CLN3: variants seen among roughly 807,000 people sequenced by gnomAD.
The protein encoded by CLN3 is CLN3 lysosomal/endosomal transmembrane protein, battenin.
CLN3 carries 49 observed loss-of-function variants against 60.7 expected under a neutral mutation model. The ratio of observed to expected loss-of-function variants is 0.81; its 90% CI spans 0.64 to 1.02. The LOEUF is 1.02. Ranked by LOEUF, CLN3 falls within the 50% of genes least tolerant of loss-of-function variation. The pLI, the probability that CLN3 is intolerant of heterozygous loss-of-function variation, is 0.00. For missense variants in CLN3, 516 were observed against 557.4 expected (o/e 0.93, Z 0.75); for synonymous variants, 256 against 245.8 (o/e 1.04, Z -0.39).
chr16:28,487,499 G>T lies in CLN3; in HGVS notation c.417C>A (p.Phe139Leu). ...CAGAATGAGAAAAGGCAACCAGGAC[G>T]AAGCTTCCAGCAGCACAAATCCCAC... ...LVSGICAAGS[F>L]VLVAFSHSVG... The change falls in exon 7 of 16, where the codon TTC (phenylalanine) becomes TTA (leucine). Residue 139 changes from phenylalanine to leucine, a missense_variant. By Grantham distance (22) the Phe-to-Leu change is conservative. Coordinates refer to ENST00000636147, the MANE Select transcript of CLN3 (RefSeq NM_001042432.2). The T allele has an allele frequency of 6.2e-7, 1 of 1,614,012 alleles. No individual in the cohort carries two copies. Among genetic ancestry groups the T allele is most frequent in the Non-Finnish European group, 8.5e-7 (1 of 1,180,004 alleles).
downstream of CLN3, chr16:28,476,254 A>T (rs1450228596): frequency 1.3e-5 from 2 of 152,004 alleles, no homozygotes; most frequent in Non-Finnish European, 2.9e-5. Context: ...ACTGTACCTA[A>T]ATAACAGGAT....
At chr16:28,487,872 G>A (rs974711753) in intron 5 of CLN3, 131 bp from the exon 6 acceptor site, 6 of 730,178 alleles carry the variant, frequency 8.2e-6, no homozygotes, top group Non-Finnish European at 1.5e-5. Flanking sequence ...AGGCACGCCT[G>A]GGTTCAAGTC....
chr16:28,468,855 T>G, the CLN3 span, among the ~76,000 whole-genome samples: 3 of 78,010 alleles, frequency 3.8e-5, no homozygotes, highest in East Asian at 9.1e-4. Flanking sequence ...ATCATGAAAA[T>G]GGCATGAATA....
chr16:28,491,405 CTCTT>C, intron 3 of CLN3, 73 bp downstream of exon 3: 2 of 1,561,000 alleles, frequency 1.3e-6, no homozygotes, highest in Non-Finnish European at 1.7e-6. Context: ...CGCAGCTTAA[CTCTT>C]TCTTCCCCCT....
At chr16:28,482,039 T>C in intron 14 of CLN3, 66 bp downstream of exon 14, 3 of 1,242,444 alleles carry the variant, frequency 2.4e-6, no homozygotes, top group Admixed American at 3.9e-5. Context: ...AGCAGGGGGT[T>C]TGGGGAAGCT....
Position 28,478,169 on chromosome 16 carries a change from G to A in CLN3, c.1057-292C>T, listed in dbSNP as rs183739465. 1.4e-4 allele frequency among the ~76,000 whole-genome samples: 22 copies of A among 151,988 alleles called. No individual in the cohort carries two copies. The East Asian group carries it at 4.3e-3, about 29-fold the overall frequency. ...AACTAAAAATACAAAAATTATCTGG[G>A]TGTAGTGGTTCTGTAGTCCCAGCTA... On this transcript the variant is annotated intron_variant, in intron 14 of 15. Transcript: ENST00000636147.
At chr16:28,490,005 C>T (rs371253342) in intron 3 of CLN3, among the ~76,000 whole-genome samples, 1 of 148,348 alleles carries the variant, frequency 6.7e-6, no homozygotes, top group East Asian at 2.0e-4. Context: ...TGCAGTAAGC[C>T]GAGATTGTGC....
downstream of CLN3, among the ~76,000 whole-genome samples, chr16:28,473,792 G>T (rs527255249): frequency 6.6e-6 from 1 of 152,142 alleles, no homozygotes; most frequent in Non-Finnish European, 1.5e-5. Context: ...AATGGGCAAA[G>T]GATCTGAGAA....
chr16:28,488,390 G>A (rs1289432857), intron 5 of CLN3: 14 of 514,236 alleles, frequency 2.7e-5, no homozygotes, highest in Non-Finnish European at 4.8e-5. Context: ...GCCCAGGCTG[G>A]TCTCAAACTC....
Position 28,489,182 on chromosome 16 carries a change from GTGAGCCAC to G in CLN3, c.222+100_222+107del, listed in dbSNP as rs1469247867. 3 of 847,348 alleles carry G rather than the reference GTGAGCCAC, an allele frequency of 3.5e-6. No individual in the cohort carries two copies. The African/African-American group carries it at 5.0e-5, about 14-fold the overall frequency. 52.5% of individuals were successfully genotyped at this position (847,348 alleles called of 1,614,324 possible). On this transcript the variant is annotated intron_variant, in intron 4 of 15. Transcript: ENST00000636147. ...CTCCCAAACTGCTGGGATTACAGGT[GTGAGCCAC>G]TGTGCCCAGCCAGAGACTGGAAACT... is the stretch of plus-strand genomic sequence containing the variant.
chr16:28,477,674 G>C (rs370780374), intron 15 of CLN3, 39 bp from the exon 16 acceptor site: 1 of 1,614,060 alleles, frequency 6.2e-7, no homozygotes, highest in Admixed American at 1.7e-5. Context: ...TTCAGTCCCA[G>C]ACATCCCTGC....
At chr16:28,481,448 ACACACG>A (rs1555467996) in intron 14 of CLN3, among the ~76,000 whole-genome samples, 4 of 131,232 alleles carry the variant, frequency 3.0e-5, no homozygotes, top group African/African-American at 9.1e-5. Context: ...ACACACACAC[ACACACG>A]CACACACACA....
At position 28,487,502 on chromosome 16, in the gene CLN3, G is replaced by A. The variant is rs772960606; in HGVS notation, c.414C>T (p.Ser138=). The A allele has an allele frequency of 2.2e-5, 35 of 1,613,894 alleles. No homozygotes were observed. The South Asian group carries it at 3.3e-4, about 15-fold the overall frequency. Residue 138 remains serine (S), a synonymous_variant, in exon 7 of 16, where the codon AGC becomes AGT. Transcript: ENST00000636147. The part of the protein sequence containing the change: ...VLVSGICAAG[S]FVLVAFSHSV... ...AATGAGAAAAGGCAACCAGGACGAA[G>A]CTTCCAGCAGCACAAATCCCACTGA...
At chr16:28,485,190 G>A (rs1050176778) in intron 9 of CLN3, among the ~76,000 whole-genome samples, 1 of 150,136 alleles carries the variant, frequency 6.7e-6, no homozygotes, top group Non-Finnish European at 1.5e-5. Context: ...TGGTGCGCCC[G>A]CCTCGGCCTC....
chr16:28,488,753 G>T, intron 4 of CLN3, 91 bp from the exon 5 acceptor site: 2 of 1,287,392 alleles, frequency 1.6e-6, no homozygotes, highest in East Asian at 2.3e-5. Context: ...TTCACTTGAA[G>T]GATGGCTTTG....
chr16:28,491,248 AG>A (rs1268054678), intron 3 of CLN3, among the ~76,000 whole-genome samples: 1 of 152,214 alleles, frequency 6.6e-6, no homozygotes, highest in Non-Finnish European at 1.5e-5. Flanking sequence ...ATTGGCTGGA[AG>A]AAAAAAGTAA....
At chr16:28,487,367 T>G in intron 7 of CLN3, 89 bp downstream of exon 7, 2 of 1,086,338 alleles carry the variant, frequency 1.8e-6, no homozygotes, top group Non-Finnish European at 2.8e-6. Flanking sequence ...ATGAATCCCT[T>G]TCCTCTGGGA....
Position 28,482,427 on chromosome 16 carries a change from T to A in CLN3, c.907-45A>T, listed in dbSNP as rs755386087. 3.1e-6 allele frequency: 5 copies of A among 1,611,562 alleles called. No homozygotes were observed. In the Admixed American group the frequency reaches 8.3e-5, roughly 27 times the overall value. ...GGGGAGATGGACGGGGCTGTGTGGG[T>A]CCCAGCCCCAATCGCCACCTCCACA... On this transcript the variant is annotated intron_variant, in intron 12 of 15. Transcript: ENST00000636147.
At chr16:28,490,730 A>AGCCTGG (rs2046300423) in intron 3 of CLN3, among the ~76,000 whole-genome samples, 1 of 146,602 alleles carries the variant, frequency 6.8e-6, no homozygotes, top group Non-Finnish European at 1.5e-5. Context: ...ACTGCACTCC[A>AGCCTGG]GCCTGGAGGA....
Sources: allele counts gnomAD v4.1 joint callset (sites outside exome capture counted in the v4.1 genomes callset), GRCh38; gene constraint gnomAD v4.1.1; transcripts MANE v1.5; gene names NCBI Gene and HGNC (gene_info 2026-07-23, HGNC 2026-07-21).